Variants in ASIP observed in about 807,000 individuals in gnomAD.
ASIP encodes the protein agouti signaling protein.
A neutral mutation model predicts 10.3 loss-of-function variants in ASIP; 11 were observed. The observed-to-expected ratio is 1.07, with a 90% confidence interval of 0.68 to 1.78. The LOEUF (loss-of-function observed/expected upper bound fraction) is 1.78, where lower values mean the gene tolerates loss of function less well. Ranked by LOEUF, ASIP falls within the 40% of genes most tolerant of loss-of-function variation. The pLI is 0.00. For synonymous variants in ASIP, 70 were observed against 70.8 expected, an observed-to-expected ratio of 0.99 and a Z score of 0.06; for missense variants, 180 against 169.2, an observed-to-expected ratio of 1.06 and a Z score of -0.35.
chr20:34,209,567 C>T (rs1212715652), intron 1 of ASIP, among the ~76,000 whole-genome samples: 14 of 152,226 alleles, frequency 9.2e-5, no homozygotes, highest in Admixed American at 9.2e-4. Context: ...ACTGCCTGGC[C>T]TCTCCCTGCT....
At chr20:34,215,521 A>C (rs1368971734) in intron 1 of ASIP, 3 of 1,530,466 alleles carry the variant, frequency 2.0e-6, no homozygotes, top group Non-Finnish European at 2.7e-6. Context: ...GTCAAAAAAA[A>C]AACTTGGGCC....
At chr20:34,220,509 C>T (rs1012678445) in intron 1 of ASIP, among the ~76,000 whole-genome samples, 4 of 151,462 alleles carry the variant, frequency 2.6e-5, no homozygotes, top group Admixed American at 1.3e-4. Context: ...GTGGGAGGAT[C>T]GCTTGAACCC....
chr20:34,234,402 T>C (rs993786312), intron 1 of ASIP, among the ~76,000 whole-genome samples: 4 of 152,232 alleles, frequency 2.6e-5, no homozygotes, highest in African/African-American at 9.6e-5. Context: ...AATTGACCCT[T>C]AATGCAGTAG....
upstream of ASIP, among the ~76,000 whole-genome samples, chr20:34,192,412 A>G (rs1380075630): frequency 6.6e-6 from 1 of 152,160 alleles, no homozygotes; most frequent in Non-Finnish European, 1.5e-5. Context: ...CCTAGGCTCA[A>G]GTGCTCCTCC....
intron 1 of ASIP, among the ~76,000 whole-genome samples, chr20:34,218,551 A>G (rs914819823): frequency 2.0e-5 from 3 of 152,100 alleles, no homozygotes; most frequent in African/African-American, 4.8e-5. Context: ...CACTCCTCCT[A>G]TTTGCTTTTA....
At chr20:34,205,574 C>T (rs1202497474) in intron 1 of ASIP, among the ~76,000 whole-genome samples, 1 of 146,770 alleles carries the variant, frequency 6.8e-6, no homozygotes, top group Admixed American at 6.7e-5. Flanking sequence ...GGGACCCAAA[C>T]GGGTTGCTGC....
rs527697334 is a variant in ASIP, at chr20:34,260,482, G to C, written c.108G>C (p.Leu36=). Residue 36 remains leucine (L), a synonymous_variant, in exon 2 of 4, where the codon CTG becomes CTC. Coordinates refer to ENST00000374954, the MANE Select transcript of ASIP (RefSeq NM_001672.3). Reference sequence around the variant, plus strand: ...AGAAGCTCCGAGATGACAGGAGCCTGAGAAGCAACTCCTCTGTGAACCTAC... The same window carrying C: ...AGAAGCTCCGAGATGACAGGAGCCTCAGAAGCAACTCCTCTGTGAACCTAC... ...PEEKLRDDRS[L]RSNSSVNLLD... 1 of 1,614,082 alleles carries C rather than the reference G, an allele frequency of 6.2e-7. No homozygotes were observed. Among genetic ancestry groups the C allele is most frequent in the East Asian group, 2.2e-5 (1 of 44,880 alleles).
intron 1 of ASIP, chr20:34,246,498 C>A: frequency 1.5e-6 from 2 of 1,358,842 alleles, no homozygotes; most frequent in Non-Finnish European, 2.1e-6. Flanking sequence ...TTCCTTGGGT[C>A]TCCTTTGCAA....
At chr20:34,238,160 G>C (rs545732205), upstream of ASIP, among the ~76,000 whole-genome samples, 64 of 152,160 alleles carry the variant, frequency 4.2e-4, no homozygotes, top group Admixed American at 3.4e-3. Flanking sequence ...AGTTCATTGA[G>C]CTTCTTGGAT....
At chr20:34,258,153 AAGAG>A in intron 1 of ASIP, among the ~76,000 whole-genome samples, 1 of 151,946 alleles carries the variant, frequency 6.6e-6, no homozygotes, top group South Asian at 2.1e-4. Context: ...TAAAAAAAAA[AAGAG>A]AGAAAGAAAG....
At chr20:34,237,819 GTCC>G (rs1187409061), upstream of ASIP, among the ~76,000 whole-genome samples, 1 of 152,120 alleles carries the variant, frequency 6.6e-6, no homozygotes, top group Non-Finnish European at 1.5e-5. Flanking sequence ...TGTTGAAGCA[GTCC>G]TCCTATTCCT....
chr20:34,241,406 G>A (rs2035281573), upstream of ASIP: 1 of 972,026 alleles, frequency 1.0e-6, no homozygotes, highest in African/African-American at 1.8e-5. Flanking sequence ...TGTCTTTGAA[G>A]TTATAGATGA....
chr20:34,261,792 C>T (rs925916684), intron 2 of ASIP, among the ~76,000 whole-genome samples: 2 of 150,916 alleles, frequency 1.3e-5, no homozygotes, highest in Admixed American at 1.3e-4. Context: ...ACAGACAGAC[C>T]CTGACTCAAA....
chr20:34,261,577 T>C (rs553931279), intron 2 of ASIP, among the ~76,000 whole-genome samples: 48 of 152,230 alleles, frequency 3.2e-4, no homozygotes, highest in South Asian at 2.3e-3. Flanking sequence ...GAGCCTACAA[T>C]GAGCCATGAT....
At chr20:34,195,173 AGAATGCAGAGCCCTACTGAGCTGTAG>A (rs1388133860) in intron 1 of ASIP, among the ~76,000 whole-genome samples, 1 of 151,580 alleles carries the variant, frequency 6.6e-6, no homozygotes, top group Non-Finnish European at 1.5e-5. Context: ...TCACTGTACC[AGAATGCAGAGCCCTACTGAGCTGTAG>A]GAATGCAGAA....
chr20:34,243,981 C>T (rs1221645371), intron 1 of ASIP, among the ~76,000 whole-genome samples: 2 of 152,076 alleles, frequency 1.3e-5, no homozygotes, highest in South Asian at 2.1e-4. Flanking sequence ...AGGAGAATGG[C>T]GTGAACCCGG....
chr20:34,235,945 G>A (rs1463659010), intron 1 of ASIP, among the ~76,000 whole-genome samples: 2 of 126,820 alleles, frequency 1.6e-5, no homozygotes, highest in East Asian at 4.2e-4. Context: ...AGGGAGGGAA[G>A]AAGGAAGGAA....
At chr20:34,234,663 G>A (rs375255401) in intron 1 of ASIP, among the ~76,000 whole-genome samples, 6 of 151,990 alleles carry the variant, frequency 3.9e-5, no homozygotes, top group Non-Finnish European at 7.4e-5. Flanking sequence ...TTCGCCGGGC[G>A]TGGTGGCAGG....
chr20:34,188,647 A>G, the ASIP span, among the ~76,000 whole-genome samples: 1 of 152,226 alleles, frequency 6.6e-6, no homozygotes, highest in Non-Finnish European at 1.5e-5. Flanking sequence ...ATGAAAAATG[A>G]CAGTAACATG....
Sources: gnomAD v4.1 joint callset for allele counts (sites outside exome capture counted in the v4.1 genomes callset) on GRCh38, gnomAD v4.1.1 for gene constraint, MANE v1.5 for transcripts, NCBI Gene and HGNC (gene_info 2026-07-23, HGNC 2026-07-21) for gene names.